PLD5: variants seen among roughly 807,000 people sequenced by gnomAD.
PLD5 encodes the protein inactive phospholipase D5.
In PLD5, 36 loss-of-function variants were observed where a neutral mutation model predicts 61.1. The ratio of observed to expected loss-of-function variants is 0.59; its 90% CI spans 0.45 to 0.78. PLD5 has a LOEUF of 0.78. Among genes scored for constraint, PLD5 ranks in the 30% least tolerant of loss-of-function variants. The pLI is 0.00. For missense variants in PLD5, 515 were observed against 644.4 expected (o/e 0.80, Z 2.17); for synonymous variants, 243 against 242.8 (o/e 1.00, Z -0.01).
At chr1:242,415,569 G>T (rs562481415) in intron 1 of PLD5, among the ~76,000 whole-genome samples, 5 of 148,306 alleles carry the variant, frequency 3.4e-5, no homozygotes, top group Middle Eastern at 3.6e-3. Flanking sequence ...CTGGAGTGCA[G>T]TGGCGAGATC....
chr1:242,123,893 T>C (rs1574341864), intron 6 of PLD5, among the ~76,000 whole-genome samples: 1 of 152,076 alleles, frequency 6.6e-6, no homozygotes, highest in South Asian at 2.1e-4. Flanking sequence ...TGGCTAATGG[T>C]TCTTAGCAGA....
At chr1:242,410,956 C>CAAA (rs202231265) in intron 1 of PLD5, among the ~76,000 whole-genome samples, 1 of 127,836 alleles carries the variant, frequency 7.8e-6, no homozygotes, top group Non-Finnish European at 1.6e-5. Context: ...TACCAATAAT[C>CAAA]GAAAAAAAAA....
Position 242,256,140 on chromosome 1 carries a change from G to A in PLD5, c.607+9197C>T, listed in dbSNP as rs1161074846. On this transcript the variant is annotated intron_variant, in intron 4 of 9. Transcript: ENST00000536534. The surrounding 1 kb of genome is among the most constrained non-coding windows in gnomAD (Gnocchi z 5.7). Reference sequence around the variant, plus strand: ...GGTCACTTTTAAACTGGGTGTCTGAGACAGTCACTCAGCAAATGTATGACT... The same window carrying A: ...GGTCACTTTTAAACTGGGTGTCTGAAACAGTCACTCAGCAAATGTATGACT... Among the ~76,000 whole-genome samples, 1 of 152,104 alleles carries A rather than the reference G, an allele frequency of 6.6e-6. No homozygotes were observed. Among genetic ancestry groups the A allele is most frequent in the African/African-American group, 2.4e-5 (1 of 41,412 alleles).
intron 5 of PLD5, among the ~76,000 whole-genome samples, chr1:242,199,621 C>A (rs1229098699): frequency 6.6e-6 from 1 of 152,104 alleles, no homozygotes; most frequent in African/African-American, 2.4e-5. Context: ...TCAGTGTATC[C>A]ACTGAAGGAA....
chr1:242,301,922 G>GT (rs1676073083), intron 2 of PLD5, among the ~76,000 whole-genome samples: 2 of 151,870 alleles, frequency 1.3e-5, no homozygotes, highest in Admixed American at 6.6e-5. Context: ...GGATTACTAG[G>GT]GCCTGCCACC....
chr1:242,172,544 C>T (rs1468369946), intron 5 of PLD5, among the ~76,000 whole-genome samples: 2 of 151,638 alleles, frequency 1.3e-5, no homozygotes, highest in East Asian at 1.9e-4. Flanking sequence ...GAAGTGAAGG[C>T]GATAGAGACA....
At chr1:242,428,374 G>C (rs1406580808) in intron 1 of PLD5, among the ~76,000 whole-genome samples, 2 of 152,112 alleles carry the variant, frequency 1.3e-5, no homozygotes, top group Non-Finnish European at 2.9e-5. Flanking sequence ...TAGAAAAAGA[G>C]CTCAACCACC....
At chr1:242,160,898 TA>T (rs1341668519) in intron 5 of PLD5, among the ~76,000 whole-genome samples, 2 of 151,536 alleles carry the variant, frequency 1.3e-5, no homozygotes, top group Non-Finnish European at 2.9e-5. Flanking sequence ...AAATAATAAT[TA>T]AAAAAAGTTT....
chr1:242,182,812 C>T (rs1056488861), intron 5 of PLD5, among the ~76,000 whole-genome samples: 3 of 152,106 alleles, frequency 2.0e-5, no homozygotes, highest in African/African-American at 4.8e-5. Flanking sequence ...CACTGCACTC[C>T]AGCCTGGGCA....
intron 1 of PLD5, among the ~76,000 whole-genome samples, chr1:242,473,094 T>A (rs1467151364): frequency 6.6e-6 from 1 of 152,198 alleles, no homozygotes; most frequent in African/African-American, 2.4e-5. Context: ...AAATAGCATG[T>A]TAACATTCAG....
At chr1:242,104,909 C>T (rs2148677865) in intron 8 of PLD5, among the ~76,000 whole-genome samples, 1 of 152,334 alleles carries the variant, frequency 6.6e-6, no homozygotes, top group East Asian at 1.9e-4. Context: ...ATGAATCTAA[C>T]ACATTCCTTC....
rs532855500 is a variant in PLD5 at position 242,147,708 on chromosome 1, G to A, written c.736-23043C>T. ...ATTTTTTTATGTTTTGAATATTTTA[G>A]TTATTCTAATAGCTGTGCATTGGTG... On this transcript the variant is annotated intron_variant, in intron 5 of 9. Coordinates refer to ENST00000536534, the MANE Select transcript of PLD5 (RefSeq NM_001372062.1). Among the ~76,000 whole-genome samples, 46 of 152,214 alleles carry A rather than the reference G, an allele frequency of 3.0e-4. No homozygotes were observed. In the South Asian group the frequency reaches 8.9e-3, roughly 30 times the overall value.
intron 2 of PLD5, among the ~76,000 whole-genome samples, chr1:242,291,060 A>AC (rs1675333220): frequency 6.6e-6 from 1 of 152,106 alleles, no homozygotes; most frequent in African/African-American, 2.4e-5. Context: ...GCCCTTTGTG[A>AC]ATTCCATACC....
intron 1 of PLD5, among the ~76,000 whole-genome samples, chr1:242,455,912 G>T (rs1666929956): frequency 1.3e-5 from 2 of 152,258 alleles, no homozygotes; most frequent in Admixed American, 1.3e-4. Context: ...GCGGGATAGA[G>T]CCGGGGTGGG....
intron 5 of PLD5, among the ~76,000 whole-genome samples, chr1:242,163,488 G>A (rs1234857715): frequency 6.6e-6 from 1 of 152,150 alleles, no homozygotes; most frequent in African/African-American, 2.4e-5. Context: ...GAAATCCTGT[G>A]TGGATTTTAT....
At chr1:242,221,252 G>T (rs1045937644) in intron 4 of PLD5, among the ~76,000 whole-genome samples, 1 of 152,022 alleles carries the variant, frequency 6.6e-6, no homozygotes, top group Non-Finnish European at 1.5e-5. Flanking sequence ...TCAATGCAAG[G>T]GTATTTAAAT....
At chr1:242,384,424 A>G (rs1302332835) in intron 1 of PLD5, among the ~76,000 whole-genome samples, 2 of 152,228 alleles carry the variant, frequency 1.3e-5, no homozygotes, top group African/African-American at 4.8e-5. Flanking sequence ...CAAAAATTTT[A>G]GAATGGTATT....
intron 1 of PLD5, among the ~76,000 whole-genome samples, chr1:242,437,881 G>A (rs139880128): frequency 9.2e-5 from 14 of 152,324 alleles, no homozygotes; most frequent in African/African-American, 3.4e-4. Flanking sequence ...AAAGTGCTTG[G>A]CAGAGCCAAG....
At chr1:242,186,105 A>G (rs1667858930) in intron 5 of PLD5, among the ~76,000 whole-genome samples, 1 of 152,120 alleles carries the variant, frequency 6.6e-6, no homozygotes, top group African/African-American at 2.4e-5. Flanking sequence ...ATTTTAATAT[A>G]TTGGTTGCTC....
Sources: gnomAD v4.1 joint callset for allele counts (sites outside exome capture counted in the v4.1 genomes callset) on GRCh38, gnomAD v4.1.1 for gene constraint, Gnocchi (gnomAD v3.1) non-coding constraint, MANE v1.5 for transcripts, NCBI Gene and HGNC (gene_info 2026-07-23, HGNC 2026-07-21) for gene names.